CACNA1E: variants seen among roughly 807,000 people sequenced by gnomAD.
CACNA1E encodes calcium voltage-gated channel subunit alpha1 E.
In CACNA1E, 40 loss-of-function variants were observed where a neutral mutation model predicts 259.2. The observed-to-expected ratio is 0.15, with a 90% CI of 0.12 to 0.20. The LOEUF (loss-of-function observed/expected upper bound fraction) is 0.20. CACNA1E is among the 10% of genes least tolerant of loss of function. The probability of loss-of-function intolerance (pLI) is 1.00; values close to 1 mark genes in which losing one functional copy is unlikely to be tolerated. For missense variants in CACNA1E, 1,874 were observed against 3,040.1 expected, an observed-to-expected ratio of 0.62 and a Z score of 9.02; for synonymous variants, 1,104 against 1,138.5, an observed-to-expected ratio of 0.97 and a Z score of 0.61.
rs116566577 is a variant in CACNA1E at position 181,347,154 on chromosome 1, G to A, written c.-15+29031G>A. On this transcript the variant is annotated intron_variant, in intron 1 of 11. Transcript: ENST00000524607. ...GCCATCCCCCATCACTTCGAAGAAT[G>A]GCCACCACACTACTGTATGCGCACC... 1.8e-3 allele frequency among the ~76,000 whole-genome samples: 280 copies of A among 152,210 alleles called. 2 individuals carry two copies. Among genetic ancestry groups the A allele is most frequent in the African/African-American group, 6.7e-3 (277 of 41,516 alleles).
At chr1:181,504,115 A>G (rs1665500011) in intron 1 of CACNA1E, among the ~76,000 whole-genome samples, 1 of 152,186 alleles carries the variant, frequency 6.6e-6, no homozygotes. Context: ...GAAGGTGTCC[A>G]TGCCATCCTC....
At chr1:181,615,738 A>T (rs370016432) in intron 6 of CACNA1E, among the ~76,000 whole-genome samples, 7 of 26,988 alleles carry the variant, frequency 2.6e-4, no homozygotes, top group African/African-American at 6.2e-4. Context: ...TTCCCTTTTT[A>T]TTTCTCTTAT....
chr1:181,374,472 A>T (rs2332202), intron 1 of CACNA1E, among the ~76,000 whole-genome samples: 62,224 of 150,908 alleles, frequency 0.41, 12,955 homozygotes, highest in Admixed American at 0.47. Context: ...GAAAAAAAAA[A>T]TTTTTTTTGA....
chr1:181,369,497 G>T (rs900713133), intron 1 of CACNA1E, among the ~76,000 whole-genome samples: 2 of 152,230 alleles, frequency 1.3e-5, no homozygotes, highest in Non-Finnish European at 1.5e-5. Context: ...GAGTGAATTT[G>T]TAGAATGAAA....
At chr1:181,797,438 C>T (rs1392594944) in intron 47 of CACNA1E, among the ~76,000 whole-genome samples, 1 of 152,114 alleles carries the variant, frequency 6.6e-6, no homozygotes, top group Non-Finnish European at 1.5e-5. Flanking sequence ...AATAGGAGAC[C>T]CCCTCAACAG....
At chr1:181,588,815 A>T (rs1169576552) in intron 6 of CACNA1E, among the ~76,000 whole-genome samples, 3 of 152,248 alleles carry the variant, frequency 2.0e-5, no homozygotes, top group Non-Finnish European at 4.4e-5. Context: ...CTCAGGCAAC[A>T]CCAGGCCTTA....
chr1:181,550,124 C>T (rs1647966172), intron 3 of CACNA1E, among the ~76,000 whole-genome samples: 1 of 152,062 alleles, frequency 6.6e-6, no homozygotes, highest in Admixed American at 6.5e-5. Context: ...ATACTGAGGG[C>T]TGTGACCTGG....
chr1:181,705,375 A>T (rs1043332649), intron 7 of CACNA1E, among the ~76,000 whole-genome samples: 3 of 152,248 alleles, frequency 2.0e-5, no homozygotes, highest in African/African-American at 7.2e-5. Context: ...TATATTTCTC[A>T]TGTAAACTGC....
intron 6 of CACNA1E, among the ~76,000 whole-genome samples, chr1:181,615,128 T>G (rs1028236966): frequency 3.3e-5 from 5 of 152,230 alleles, no homozygotes; most frequent in Non-Finnish European, 5.9e-5. Context: ...AGTCATCCAT[T>G]CATTATATAC....
intron 6 of CACNA1E, among the ~76,000 whole-genome samples, chr1:181,582,891 G>A (rs575895936): frequency 1.3e-5 from 2 of 152,144 alleles, no homozygotes; most frequent in Non-Finnish European, 2.9e-5. Flanking sequence ...AGGGAGGGGA[G>A]GAGATCAAGT....
chr1:181,655,944 G>A (rs1452314530), intron 7 of CACNA1E, among the ~76,000 whole-genome samples: 1 of 152,140 alleles, frequency 6.6e-6, no homozygotes, highest in Non-Finnish European at 1.5e-5. Flanking sequence ...ATTTAGTGGA[G>A]CTGAAAAATT....
intron 6 of CACNA1E, among the ~76,000 whole-genome samples, chr1:181,612,868 T>TAA (rs1654874759): frequency 1.3e-5 from 2 of 152,224 alleles, no homozygotes; most frequent in African/African-American, 4.8e-5. Context: ...TTTCTAGAAG[T>TAA]TTTATTGGTT....
At chr1:181,319,398 A>G (rs1207609495) in intron 1 of CACNA1E, among the ~76,000 whole-genome samples, 3 of 152,222 alleles carry the variant, frequency 2.0e-5, no homozygotes, top group Non-Finnish European at 4.4e-5. Flanking sequence ...TTTGGGCTAG[A>G]CACCAGGAAA....
chr1:181,757,268 A>G (rs1572814252), intron 30 of CACNA1E, 142 bp downstream of exon 30: 1 of 644,014 alleles, frequency 1.6e-6, no homozygotes, highest in Non-Finnish European at 2.7e-6. Context: ...CTATTCAGCC[A>G]TTAAATAAGC....
In CACNA1E at chr1:181,622,599, G is replaced by T. The variant is rs145828332; in HGVS notation, c.952-28739G>T. Among the ~76,000 whole-genome samples the T allele has an allele frequency of 7.2e-4, 109 of 152,244 alleles. 1 individual carries two copies. In the East Asian group the frequency reaches 0.011, roughly 15 times the overall value. ...GTTTACTTTTCTTGTAATAATACCAGTAAGGTTGGATTAGGGCCCACCCTA... is the reference window on the plus strand; with the variant it reads ...GTTTACTTTTCTTGTAATAATACCATTAAGGTTGGATTAGGGCCCACCCTA... On this transcript the variant is annotated intron_variant, in intron 6 of 47. Coordinates refer to ENST00000367573, the MANE Select transcript of CACNA1E (RefSeq NM_001205293.3).
rs373077151 is a variant in CACNA1E at position 181,790,569 on chromosome 1, G to A, written c.5898+13G>A. The A allele has an allele frequency of 1.8e-5, 26 of 1,452,078 alleles. No individual in the cohort carries two copies. In the African/African-American group the frequency reaches 2.2e-4, roughly 12 times the overall value. 89.9% of individuals were successfully genotyped at this position (1,452,078 alleles called of 1,614,324 possible). A position where few individuals can be genotyped will look rare whatever the true frequency, so the allele number is the denominator to read the frequency against. ...ACGGCAGTCTCTGGTGAATGCATGA[G>A]TTATATGACCTCAAAACTACTTCCT... On this transcript the variant is annotated intron_variant, in intron 44 of 47. Transcript: ENST00000367573.
Position 181,566,549 on chromosome 1 carries a change from T to C in CACNA1E, c.513-11217T>C, listed in dbSNP as rs116048374. Among the ~76,000 whole-genome samples the C allele has an allele frequency of 9.8e-3, 1,485 of 152,250 alleles. 9 individuals carry two copies. The highest frequency in any genetic ancestry group is 0.012 in the South Asian group (59 of 4,816). On this transcript the variant is annotated intron_variant, in intron 3 of 47. Coordinates refer to ENST00000367573, the MANE Select transcript of CACNA1E (RefSeq NM_001205293.3). Reference sequence around the variant, plus strand: ...GACCTTTGTTTCTATCATACTGAGGTTAAGCAAACTCTTTATTTCTGTATT... The same window carrying C: ...GACCTTTGTTTCTATCATACTGAGGCTAAGCAAACTCTTTATTTCTGTATT...
intron 1 of CACNA1E, among the ~76,000 whole-genome samples, chr1:181,507,528 G>A (rs1048459650): frequency 6.6e-6 from 1 of 152,056 alleles, no homozygotes; most frequent in Non-Finnish European, 1.5e-5. Flanking sequence ...ATGGTCCAAG[G>A]GGATATTGTG....
chr1:181,571,089 C>A (rs1015448080), intron 3 of CACNA1E, among the ~76,000 whole-genome samples: 1 of 152,164 alleles, frequency 6.6e-6, no homozygotes, highest in Admixed American at 6.5e-5. Context: ...CATGGTAAAT[C>A]AGTGCTATGT....
Sources: allele counts gnomAD v4.1 joint callset (sites outside exome capture counted in the v4.1 genomes callset), GRCh38; gene constraint gnomAD v4.1.1; transcripts MANE v1.5; gene names NCBI Gene and HGNC (gene_info 2026-07-23, HGNC 2026-07-21).